Variants in BRAF observed in about 807,000 individuals in gnomAD.
The protein encoded by BRAF is B-Raf proto-oncogene, serine/threonine kinase, also known as serine/threonine-protein kinase B-raf.
A neutral mutation model predicts 104.6 loss-of-function variants in BRAF; 16 were observed. The observed-to-expected ratio is 0.15, with a 90% CI of 0.10 to 0.23. BRAF has a LOEUF of 0.23. BRAF is among the 10% of genes least tolerant of loss of function. The pLI, the probability that BRAF is intolerant of heterozygous loss-of-function variation, is 1.00. For missense variants in BRAF, 541 were observed against 937.3 expected (o/e 0.58, Z 5.52); for synonymous variants, 310 against 341.6 (o/e 0.91, Z 1.02).
At chr7:140,899,322 T>C (rs1460766990) in intron 1 of BRAF, among the ~76,000 whole-genome samples, 1 of 151,984 alleles carries the variant, frequency 6.6e-6, no homozygotes, top group African/African-American at 2.4e-5. Flanking sequence ...ACAGCTGGGT[T>C]TAACAAGCCC....
At chr7:140,859,425 C>G (rs1416273174) in intron 1 of BRAF, among the ~76,000 whole-genome samples, 1 of 152,176 alleles carries the variant, frequency 6.6e-6, no homozygotes, top group Non-Finnish European at 1.5e-5. Flanking sequence ...ATGGGGATAA[C>G]AGACCTTAGG....
chr7:140,889,044 A>G (rs1265563183), intron 1 of BRAF, among the ~76,000 whole-genome samples: 1 of 152,172 alleles, frequency 6.6e-6, no homozygotes. Context: ...GTGGCCCTCC[A>G]TATCTGCAAG....
intron 2 of BRAF, among the ~76,000 whole-genome samples, chr7:140,836,860 A>G (rs1807395019): frequency 6.6e-6 from 1 of 152,226 alleles, no homozygotes; most frequent in South Asian, 2.1e-4. Context: ...TTCCTCCTGC[A>G]TGGATAAAAT....
chr7:140,747,241 T>C (rs1249813123), intron 17 of BRAF: 5 of 292,330 alleles, frequency 1.7e-5, no homozygotes, highest in Non-Finnish European at 2.8e-5. Context: ...ATGGGGGTAG[T>C]TGTAAGAGGA....
chr7:140,915,049 C>CAAAAA (rs567503566), intron 1 of BRAF, among the ~76,000 whole-genome samples: 2 of 61,844 alleles, frequency 3.2e-5, no homozygotes, highest in African/African-American at 5.8e-5. Context: ...ACTCCGTCTC[C>CAAAAA]AAAAAAAAAA....
In BRAF at chr7:140,721,295, AT is replaced by A. The variant is rs60187661; in HGVS notation, c.*5198del. 38,712 of 664,482 alleles carry A rather than the reference AT, an allele frequency of 0.058. 429 individuals carry two copies. The highest frequency in any genetic ancestry group is 0.15 in the African/African-American group (8,249 of 53,956). 41.2% of individuals were successfully genotyped at this position (664,482 alleles called of 1,614,324 possible). A position where few individuals can be genotyped will look rare whatever the true frequency, so the allele number is the denominator to read the frequency against. On this transcript the variant is annotated 3_prime_UTR_variant, in exon 20 of 20. Transcript: ENST00000644969. ...GAGTTGCCGACTAATTGCCCCATGC[AT>A]TTTTTTTTTTTAAAGCACTGTTACC... is the stretch of plus-strand genomic sequence containing the variant.
At chr7:140,736,124 G>A (rs994502212) in intron 18 of BRAF, among the ~76,000 whole-genome samples, 8 of 148,430 alleles carry the variant, frequency 5.4e-5, no homozygotes, top group Non-Finnish European at 1.0e-4. Flanking sequence ...AGGCTGGAGT[G>A]CAGTGGCGCG....
chr7:140,718,498 C>T (rs932617603), downstream of BRAF, among the ~76,000 whole-genome samples: 2 of 152,224 alleles, frequency 1.3e-5, no homozygotes, highest in South Asian at 4.1e-4. Context: ...GATCTGCCTG[C>T]CTTGGCCTCC....
chr7:140,856,896 C>T (rs933120710), intron 1 of BRAF, among the ~76,000 whole-genome samples: 3 of 151,992 alleles, frequency 2.0e-5, no homozygotes, highest in African/African-American at 7.2e-5. Flanking sequence ...AATGAACTGA[C>T]GTTAAGGTGC....
intron 1 of BRAF, among the ~76,000 whole-genome samples, chr7:140,853,998 A>C (rs540002466): frequency 6.6e-6 from 1 of 152,202 alleles, no homozygotes; most frequent in Non-Finnish European, 1.5e-5. Flanking sequence ...TATTTTTAAA[A>C]CAGGGTCTCC....
chr7:140,835,185 C>A, intron 2 of BRAF: 1 of 303,546 alleles, frequency 3.3e-6, no homozygotes, highest in African/African-American at 2.1e-5. Context: ...ATTTACCTTC[C>A]AAATCATGTC....
intron 17 of BRAF, 64 bp downstream of exon 16, chr7:140,749,223 T>C (rs1474520912): frequency 6.2e-7 from 1 of 1,601,716 alleles, no homozygotes; most frequent in Non-Finnish European, 8.5e-7. Context: ...TAACACTTAT[T>C]TTCTACAACT....
chr7:140,900,628 T>G (rs1301644986), intron 1 of BRAF, among the ~76,000 whole-genome samples: 2 of 152,222 alleles, frequency 1.3e-5, no homozygotes, highest in Non-Finnish European at 1.5e-5. Context: ...TGTTTGTTTT[T>G]AAGACTGAGT....
intron 14 of BRAF, among the ~76,000 whole-genome samples, chr7:140,762,656 G>A (rs1452534865): frequency 6.7e-6 from 1 of 150,032 alleles, no homozygotes; most frequent in African/African-American, 2.5e-5. Context: ...TTCTCGCAGA[G>A]GGGTATTTGG....
Position 140,832,553 on chromosome 7 carries a change from G to T in BRAF, c.504+2056C>A, listed in dbSNP as rs117714531. Reference sequence around the variant, plus strand: ...GAGAGAATGGCAAAATAACGTTCTTGAAAGAGTTTAATACCACAAACCCAT... The same window carrying T: ...GAGAGAATGGCAAAATAACGTTCTTTAAAGAGTTTAATACCACAAACCCAT... On this transcript the variant is annotated intron_variant, in intron 3 of 19. Coordinates refer to ENST00000644969, the MANE Select transcript of BRAF (RefSeq NM_001374258.1). Among the ~76,000 whole-genome samples the T allele has an allele frequency of 9.0e-3, 1,374 of 152,318 alleles. 11 individuals carry two copies. Among genetic ancestry groups the T allele is most frequent in the Non-Finnish European group, 0.013 (911 of 68,016 alleles).
intron 1 of BRAF, among the ~76,000 whole-genome samples, chr7:140,868,532 T>G (rs968164442): frequency 3.3e-5 from 5 of 151,272 alleles, no homozygotes; most frequent in African/African-American, 1.2e-4. Flanking sequence ...AATAGAAAAA[T>G]CCACAGAGAC....
chr7:140,912,826 GC>G (rs1265328223), intron 1 of BRAF, among the ~76,000 whole-genome samples: 1 of 152,188 alleles, frequency 6.6e-6, no homozygotes, highest in African/African-American at 2.4e-5. Context: ...GGGATTACAG[GC>G]GTGAGCCACC....
intron 18 of BRAF, among the ~76,000 whole-genome samples, chr7:140,738,035 G>A (rs949946999): frequency 3.9e-5 from 6 of 152,178 alleles, no homozygotes; most frequent in African/African-American, 1.2e-4. Flanking sequence ...GACGTGAAAA[G>A]AGAACATGGG....
chr7:140,877,875 G>C (rs1270126731), intron 1 of BRAF, among the ~76,000 whole-genome samples: 2 of 151,842 alleles, frequency 1.3e-5, no homozygotes, highest in Non-Finnish European at 2.9e-5. Context: ...TAACTATTAA[G>C]GAAATTAAAC....
Sources: allele counts gnomAD v4.1 joint callset (sites outside exome capture counted in the v4.1 genomes callset), GRCh38; gene constraint gnomAD v4.1.1; transcripts MANE v1.5; gene names NCBI Gene and HGNC (gene_info 2026-07-23, HGNC 2026-07-21).